DHX37: variants seen among roughly 807,000 people sequenced by gnomAD.
The protein encoded by DHX37 is DEAH-box helicase 37.
Under a neutral mutation model 134.3 loss-of-function variants are expected in DHX37, and 52 were observed. The observed-to-expected ratio is 0.39, with a 90% CI of 0.31 to 0.49. The LOEUF is 0.49. Among genes scored for constraint, DHX37 ranks in the 20% least tolerant of loss-of-function variants. The probability of loss-of-function intolerance (pLI) is 0.93; values close to 1 mark genes in which losing one functional copy is unlikely to be tolerated. For missense variants in DHX37, 1,344 were observed against 1,580.8 expected (o/e 0.85, Z 2.54); for synonymous variants, 634 against 670.7 (o/e 0.95, Z 0.85).
chr12:124,954,214 G>A lies in DHX37; in HGVS notation c.2454-3C>T. On this transcript the variant is annotated splice_polypyrimidine_tract_variant and splice_region_variant and intron_variant, in intron 18 of 26. Transcript: ENST00000308736. ...GCTCCTCGTCACTGGCCGCTGGTCT[G>A]CAAACACACATACATACTGTCTGGG... The A allele has an allele frequency of 6.3e-7, 1 of 1,589,096 alleles. No homozygotes were observed. Among genetic ancestry groups the A allele is most frequent in the Non-Finnish European group, 8.6e-7 (1 of 1,169,524 alleles).
intron 16 of DHX37, among the ~76,000 whole-genome samples, chr12:124,958,549 C>T (rs916147939): frequency 6.6e-6 from 1 of 152,178 alleles, no homozygotes; most frequent in Admixed American, 6.5e-5. Context: ...CTAGTAACTC[C>T]CTCCTAGAGT....
In DHX37 at chr12:124,956,791, C is replaced by T. The variant is rs1414966302; in HGVS notation, c.2353G>A (p.Ala785Thr). The change falls in exon 18 of 27, where the codon GCT becomes ACT. Residue 785 changes from alanine (A) to threonine (T), a missense_variant. By Grantham distance (58) the Ala-to-Thr change is moderately conservative. Transcript: ENST00000308736. ...TGTCGGCTCAGTGCCAGCATCTTAG[C>T]GTAGCGGGGTGCCACGGGGAATGTG... ...MATFPVAPRY[A>T]KMLALSRQHG... The T allele has an allele frequency of 1.9e-6, 3 of 1,612,064 alleles. No individual in the cohort carries two copies. The highest frequency in any genetic ancestry group is 2.5e-6 in the Non-Finnish European group (3 of 1,178,562).
chr12:124,957,112 C>G lies in DHX37; in HGVS notation c.2181G>C (p.Thr727=). The G allele has an allele frequency of 6.7e-7, 1 of 1,492,200 alleles. No homozygotes were observed. The highest frequency in any genetic ancestry group is 8.9e-7 in the Non-Finnish European group (1 of 1,123,646). 92.4% of individuals were successfully genotyped at this position (1,492,200 alleles called of 1,614,324 possible). Residue 727 remains threonine (T), a synonymous_variant, in exon 17 of 27, where the codon ACG becomes ACC. Transcript: ENST00000308736. The part of the protein sequence containing the change: ...VEKVINFPFP[T]PPSVEALLAA... ...CAAGAAGGGCTTCCACGGAGGGGGGCGTCGGGAAGGGGAAGTTGATGACCT... is the reference window on the plus strand; with the variant it reads ...CAAGAAGGGCTTCCACGGAGGGGGGGGTCGGGAAGGGGAAGTTGATGACCT...
intron 20 of DHX37, 196 bp from the exon 21 acceptor site, chr12:124,952,766 T>C (rs899135397): frequency 2.3e-6 from 1 of 440,178 alleles, no homozygotes; most frequent in African/African-American, 2.0e-5. Context: ...ATTCCCTCCT[T>C]CTCCCTTGGG....
At position 124,948,041 on chromosome 12, in the gene DHX37, C is replaced by T. The variant is rs761054860; in HGVS notation, c.3388+43G>A. On this transcript the variant is annotated intron_variant, in intron 26 of 26. Coordinates refer to ENST00000308736, the MANE Select transcript of DHX37 (RefSeq NM_032656.4). ...AGCACAAAGCCCCTGCCTCAGTGAC[C>T]CCATCCTGTCTACTCCCACCCCCTG... 34 of 1,614,078 alleles carry T rather than the reference C, an allele frequency of 2.1e-5. No homozygotes were observed. In the Middle Eastern group the frequency reaches 1.2e-3, roughly 55 times the overall value.
intron 17 of DHX37, 56 bp downstream of exon 17, chr12:124,956,973 A>G: frequency 6.6e-7 from 1 of 1,520,724 alleles, no homozygotes; most frequent in Non-Finnish European, 8.8e-7. Flanking sequence ...GCCCAGCAAA[A>G]GGGAGAGAGG....
intron 15 of DHX37, among the ~76,000 whole-genome samples, chr12:124,960,822 A>G (rs4765189): frequency 0.58 from 88,484 of 152,096 alleles, 28,514 homozygotes; most frequent in African/African-American, 0.87. Context: ...AGGCACGGTG[A>G]CGTGCATCTG....
chr12:124,950,667 G>A (rs775657558), intron 22 of DHX37, 23 bp downstream of exon 22: 10 of 1,610,644 alleles, frequency 6.2e-6, no homozygotes, highest in Middle Eastern at 1.6e-4. Context: ...GGGGGACAAG[G>A]GGCTGTCCGC....
Position 124,965,832 on chromosome 12 carries a change from G to T in DHX37, c.1591-20C>A, listed in dbSNP as rs1234946123. ...CAGCACCTACGGCGAACAAGACATAGACACCTGGGCTGCAGGGATCCTGGG... is the reference window on the plus strand; with the variant it reads ...CAGCACCTACGGCGAACAAGACATATACACCTGGGCTGCAGGGATCCTGGG... On this transcript the variant is annotated intron_variant, in intron 12 of 26. Coordinates refer to ENST00000308736, the MANE Select transcript of DHX37 (RefSeq NM_032656.4). 6.2e-7 allele frequency: 1 copy of T among 1,610,496 alleles called. No homozygotes were observed. Among genetic ancestry groups the T allele is most frequent in the African/African-American group, 1.3e-5 (1 of 74,902 alleles).
intron 21 of DHX37, among the ~76,000 whole-genome samples, 173 bp downstream of exon 21, chr12:124,952,225 A>T (rs1160786248): frequency 3.3e-5 from 5 of 152,114 alleles, no homozygotes; most frequent in African/African-American, 7.2e-5. Context: ...AAAAAAAAAA[A>T]GTTGGGAGAA....
At chr12:124,964,837 A>T (rs533662932) in intron 14 of DHX37, 93 bp downstream of exon 14, 1 of 1,454,730 alleles carries the variant, frequency 6.9e-7, no homozygotes, top group African/African-American at 1.4e-5. Context: ...CTGATCAAAC[A>T]GCAGATGGAG....
At chr12:124,977,652 G>A (rs981030454) in intron 4 of DHX37, among the ~76,000 whole-genome samples, 162 bp from the exon 5 acceptor site, 1 of 152,132 alleles carries the variant, frequency 6.6e-6, no homozygotes, top group East Asian at 1.9e-4. Context: ...TGGTCCAGGA[G>A]AGACAGAGAC....
chr12:124,950,179 C>A lies in DHX37; in HGVS notation c.3186G>T (p.Lys1062Asn), dbSNP rs368319156. ...VDFPEGIDRY[K>N]HFARFLLEGQ... is the part of the protein sequence containing the mutation. Reference sequence around the variant, plus strand: ...CTTCCAGCAGGAACCGGGCAAAGTGCTTGTAGCGGTCAATCCCCTCTGGAA... The same window carrying A: ...CTTCCAGCAGGAACCGGGCAAAGTGATTGTAGCGGTCAATCCCCTCTGGAA... The change falls in exon 24 of 27, where the codon AAG (lysine) becomes AAT (asparagine). Residue 1062 changes from lysine to asparagine, a missense_variant. By Grantham distance (94) the Lys-to-Asn change is moderately conservative. This residue lies in a region of DHX37 where 558 missense variants were observed against 650.0 expected (regional missense o/e 0.86). Coordinates refer to ENST00000308736, the MANE Select transcript of DHX37 (RefSeq NM_032656.4). 2 of 1,614,082 alleles carry A rather than the reference C, an allele frequency of 1.2e-6. No individual in the cohort carries two copies. The highest frequency in any genetic ancestry group is 1.7e-6 in the Non-Finnish European group (2 of 1,180,036).
intron 20 of DHX37, chr12:124,952,824 C>G: frequency 6.2e-6 from 2 of 320,152 alleles, no homozygotes; most frequent in Non-Finnish European, 1.1e-5. Context: ...TTCGAGGAGA[C>G]AGCCCTCCCC....
chr12:124,968,926 G>A lies in DHX37; in HGVS notation c.1234C>T (p.Arg412Trp). ...LKLLIMSATL[R>W]VEDFTQNPRL... ...GGGTTCTGGGTGAAGTCCTCCACCC[G>A]CAGCGTGGCCGACATGATGAGCAGC... is the stretch of plus-strand genomic sequence containing the variant. Residue 412 changes from arginine (R) to tryptophan (W), a missense_variant, in exon 9 of 27, where the codon CGG becomes TGG. This residue lies in a region of DHX37 where 289 missense variants were observed against 323.8 expected (regional missense o/e 0.89). Coordinates refer to ENST00000308736, the MANE Select transcript of DHX37 (RefSeq NM_032656.4). The A allele has an allele frequency of 1.2e-6, 2 of 1,614,080 alleles. No individual in the cohort carries two copies. Among genetic ancestry groups the A allele is most frequent in the Non-Finnish European group, 1.7e-6 (2 of 1,180,016 alleles).
intron 6 of DHX37, among the ~76,000 whole-genome samples, chr12:124,973,123 T>C (rs897512680): frequency 1.3e-5 from 2 of 150,766 alleles, no homozygotes; most frequent in African/African-American, 4.9e-5. Flanking sequence ...GCCTGGGCAA[T>C]AGAGCCATCT....
intron 8 of DHX37, among the ~76,000 whole-genome samples, chr12:124,970,024 G>C (rs991924787): frequency 2.6e-5 from 4 of 152,230 alleles, no homozygotes; most frequent in African/African-American, 9.7e-5. Context: ...CCAGGCTGGA[G>C]TGCAGTGGCG....
chr12:124,970,566 G>C (rs1012649923), intron 8 of DHX37, among the ~76,000 whole-genome samples: 1 of 152,072 alleles, frequency 6.6e-6, no homozygotes, highest in Non-Finnish European at 1.5e-5. Flanking sequence ...GTCACTTTTC[G>C]GGTGAAGCCC....
intron 12 of DHX37, among the ~76,000 whole-genome samples, chr12:124,966,384 G>A (rs1954387818): frequency 6.6e-6 from 1 of 152,014 alleles, no homozygotes. Context: ...CCATTTCTGA[G>A]ACAGAGTCTC....
Sources: allele counts gnomAD v4.1 joint callset (sites outside exome capture counted in the v4.1 genomes callset), GRCh38; gene constraint gnomAD v4.1.1; regional missense constraint gnomAD v4.1.1; transcripts MANE v1.5; gene names NCBI Gene and HGNC (gene_info 2026-07-23, HGNC 2026-07-21).